The following RSRC1 variants were observed in gnomAD, a reference collection of about 807,000 sequenced individuals.
The protein encoded by RSRC1 is arginine and serine rich coiled-coil 1.
Under a neutral mutation model 49.1 loss-of-function variants are expected in RSRC1, and 39 were observed. The observed-to-expected ratio is 0.79, with a 90% CI of 0.61 to 1.04. RSRC1 has a LOEUF of 1.04. RSRC1 is among the 50% of genes least tolerant of loss of function. RSRC1 has a pLI of 0.00. For missense variants in RSRC1, 388 were observed against 402.4 expected (o/e 0.96, Z 0.31); for synonymous variants, 143 against 130.8 (o/e 1.09, Z -0.63).
chr3:158,349,330 T>C (rs1048700962), intron 5 of RSRC1, among the ~76,000 whole-genome samples: 4 of 152,138 alleles, frequency 2.6e-5, no homozygotes, highest in Non-Finnish European at 5.9e-5. Flanking sequence ...TGATTAGCAA[T>C]GTTGAGCATT....
At chr3:158,334,125 C>T (rs1017535502) in intron 5 of RSRC1, among the ~76,000 whole-genome samples, 1 of 151,972 alleles carries the variant, frequency 6.6e-6, no homozygotes, top group Non-Finnish European at 1.5e-5. Flanking sequence ...AAAAAGAAGG[C>T]TATAAAGATG....
intron 4 of RSRC1, among the ~76,000 whole-genome samples, chr3:158,280,946 C>A (rs1022898890): frequency 6.6e-6 from 1 of 152,000 alleles, no homozygotes; most frequent in Admixed American, 6.6e-5. Context: ...CGCGCCTGGC[C>A]CAAAGTGATT....
At position 158,277,478 on chromosome 3, in the gene RSRC1, GCT is replaced by G. The variant is rs371976754; in HGVS notation, c.495-20559_495-20558del. 5.7e-4 allele frequency among the ~76,000 whole-genome samples: 87 copies of G among 152,202 alleles called. No homozygotes were observed. The South Asian group carries it at 0.017, about 31-fold the overall frequency. On this transcript the variant is annotated intron_variant, in intron 4 of 9. Transcript: ENST00000611884. Reference sequence around the variant, plus strand: ...TTAATCACTTCCAATTGAAGTAGAAGCTCCTCAATTGTGCAGTTAAGTGGACT... The same window carrying G: ...TTAATCACTTCCAATTGAAGTAGAAGCCTCAATTGTGCAGTTAAGTGGACT...
At chr3:158,346,330 A>T (rs1730553169) in intron 5 of RSRC1, among the ~76,000 whole-genome samples, 1 of 152,248 alleles carries the variant, frequency 6.6e-6, no homozygotes, top group South Asian at 2.1e-4. Context: ...AAAAAGAAGG[A>T]GAAGAAGAAA....
intron 3 of RSRC1, among the ~76,000 whole-genome samples, chr3:158,162,339 C>G (rs780952262): frequency 6.6e-6 from 1 of 152,098 alleles, no homozygotes; most frequent in Non-Finnish European, 1.5e-5. Flanking sequence ...GTCGGGCCTA[C>G]TGGTATATAC....
intron 5 of RSRC1, among the ~76,000 whole-genome samples, chr3:158,320,001 A>G (rs1460229394): frequency 6.6e-6 from 1 of 152,212 alleles, no homozygotes; most frequent in African/African-American, 2.4e-5. Context: ...AATCAACTAT[A>G]GGAGGAGATT....
intron 7 of RSRC1, among the ~76,000 whole-genome samples, chr3:158,511,079 T>A (rs1253854672): frequency 6.6e-6 from 1 of 151,534 alleles, no homozygotes; most frequent in Non-Finnish European, 1.5e-5. Context: ...CACAATTTAC[T>A]CCCTAAAGAA....
intron 5 of RSRC1, among the ~76,000 whole-genome samples, chr3:158,333,619 C>A (rs1182904947): frequency 1.3e-5 from 2 of 152,188 alleles, no homozygotes; most frequent in Non-Finnish European, 2.9e-5. Context: ...GTACTTTCAG[C>A]ACTTTTCATT....
chr3:158,459,847 T>C (rs1339867748), intron 6 of RSRC1, among the ~76,000 whole-genome samples: 2 of 152,010 alleles, frequency 1.3e-5, no homozygotes, highest in Admixed American at 6.6e-5. Context: ...AGTTTTATAC[T>C]TTAAGAAAGT....
At chr3:158,349,008 G>A (rs1424505372) in intron 5 of RSRC1, among the ~76,000 whole-genome samples, 3 of 152,042 alleles carry the variant, frequency 2.0e-5, no homozygotes, top group Non-Finnish European at 4.4e-5. Context: ...TGGACACTTA[G>A]GTTTGTTTCA....
intron 4 of RSRC1, among the ~76,000 whole-genome samples, chr3:158,295,960 T>C (rs976247608): frequency 1.3e-5 from 2 of 152,054 alleles, no homozygotes; most frequent in Non-Finnish European, 1.5e-5. Context: ...TTAATATCTT[T>C]CTTTCAGAAT....
chr3:158,212,976 T>C (rs899576360), intron 4 of RSRC1, among the ~76,000 whole-genome samples: 13 of 152,102 alleles, frequency 8.5e-5, no homozygotes, highest in East Asian at 3.9e-4. Flanking sequence ...CTAGTGATCA[T>C]TGGAGTGGCA....
intron 7 of RSRC1, among the ~76,000 whole-genome samples, chr3:158,468,714 A>G (rs192717289): frequency 1.3e-5 from 2 of 152,276 alleles, no homozygotes; most frequent in East Asian, 3.9e-4. Flanking sequence ...TCAACTCTCT[A>G]TAAAATTGTA....
At chr3:158,377,342 A>G (rs1027641554) in intron 6 of RSRC1, among the ~76,000 whole-genome samples, 2 of 152,316 alleles carry the variant, frequency 1.3e-5, no homozygotes, top group East Asian at 1.9e-4. Context: ...TTGTTGAAAT[A>G]TGATCCCCAA....
intron 6 of RSRC1, among the ~76,000 whole-genome samples, chr3:158,382,624 CCTACT>C (rs553823968): frequency 3.3e-5 from 5 of 152,100 alleles, no homozygotes; most frequent in African/African-American, 1.2e-4. Context: ...TGTGGCTGGC[CCTACT>C]TTAAGTTGCT....
At chr3:158,331,420 G>T (rs969721959) in intron 5 of RSRC1, among the ~76,000 whole-genome samples, 2 of 151,936 alleles carry the variant, frequency 1.3e-5, no homozygotes, top group Admixed American at 1.3e-4. Flanking sequence ...CTATTAACTT[G>T]GTTAAATTTG....
chr3:158,532,049 C>T (rs755738379), intron 7 of RSRC1, among the ~76,000 whole-genome samples: 1 of 151,482 alleles, frequency 6.6e-6, no homozygotes, highest in Non-Finnish European at 1.5e-5. Context: ...TTATTGTTGA[C>T]TATAATTTGA....
intron 2 of RSRC1, among the ~76,000 whole-genome samples, chr3:158,123,178 T>C (rs1172025155): frequency 1.3e-5 from 2 of 152,214 alleles, no homozygotes; most frequent in Admixed American, 6.5e-5. Context: ...CAGCTAGTTT[T>C]GTATTTTTAG....
In RSRC1 at chr3:158,288,839, C is replaced by G. The variant is rs952528856; in HGVS notation, c.495-9200C>G. 6.2e-5 allele frequency among the ~76,000 whole-genome samples: 5 copies of G among 80,924 alleles called. 1 individual carries two copies. The highest frequency in any genetic ancestry group is 1.5e-4 in the Admixed American group (1 of 6,816). The allele number at this position is 80,924 out of a possible 152,430, so 53.1% of individuals were successfully genotyped here. On this transcript the variant is annotated intron_variant, in intron 4 of 9. Transcript: ENST00000611884. ...CAATACAGATGCACGTTCCCCGCCC[C>G]CCCCCCCCCCAAATATTTTTGATCT...
Sources: allele counts gnomAD v4.1 joint callset (sites outside exome capture counted in the v4.1 genomes callset), GRCh38; gene constraint gnomAD v4.1.1; transcripts MANE v1.5; gene names NCBI Gene and HGNC (gene_info 2026-07-23, HGNC 2026-07-21).